Variants in ANO2 observed in about 807,000 individuals in gnomAD.
ANO2 encodes anoctamin 2, also known as anoctamin-2.
Under a neutral mutation model 124.2 loss-of-function variants are expected in ANO2, and 101 were observed. The observed-to-expected ratio is 0.81, with a 90% CI of 0.69 to 0.96. ANO2 has a LOEUF of 0.96. Among genes scored for constraint, ANO2 ranks in the 40% least tolerant of loss-of-function variants. ANO2 has a pLI of 0.00. For missense variants in ANO2, 1,293 were observed against 1,274.5 expected, an observed-to-expected ratio of 1.01 and a Z score of -0.22; for synonymous variants, 486 against 482.5, an observed-to-expected ratio of 1.01 and a Z score of -0.09.
chr12:5,899,976 T>C (rs1003171260), intron 3 of ANO2, among the ~76,000 whole-genome samples: 12 of 152,162 alleles, frequency 7.9e-5, no homozygotes, highest in Admixed American at 2.0e-4. Flanking sequence ...TAAAAATCAT[T>C]CCAAATTCAT....
intron 3 of ANO2, among the ~76,000 whole-genome samples, chr12:5,899,012 G>A (rs1008951376): frequency 6.6e-6 from 1 of 152,192 alleles, no homozygotes; most frequent in Non-Finnish European, 1.5e-5. Context: ...AGTTGAGCCT[G>A]TAAAACCAAG....
chr12:5,564,736 G>A (rs562626693), intron 24 of ANO2: 347 of 152,340 alleles, frequency 2.3e-3, no homozygotes, highest in South Asian at 3.7e-3. Flanking sequence ...ATGTCTGAGC[G>A]ATCATTCAAA....
At chr12:5,699,171 A>G (rs1001753115) in intron 14 of ANO2, among the ~76,000 whole-genome samples, 4 of 152,222 alleles carry the variant, frequency 2.6e-5, no homozygotes, top group African/African-American at 7.2e-5. Context: ...TGAAGGAAAA[A>G]ATGTTAAGGA....
intron 8 of ANO2, among the ~76,000 whole-genome samples, chr12:5,806,762 T>C (rs1368055846): frequency 6.6e-6 from 1 of 152,262 alleles, no homozygotes; most frequent in Non-Finnish European, 1.5e-5. Context: ...CAAAGCATTG[T>C]ACAAGGAATT....
At chr12:5,634,561 G>T (rs1034132406) in intron 16 of ANO2, among the ~76,000 whole-genome samples, 2 of 152,166 alleles carry the variant, frequency 1.3e-5, no homozygotes, top group African/African-American at 4.8e-5. Context: ...GGGCAACAGC[G>T]ACTTGCAGCT....
At chr12:5,683,923 T>C (rs1325790922) in intron 14 of ANO2, among the ~76,000 whole-genome samples, 1 of 152,108 alleles carries the variant, frequency 6.6e-6, no homozygotes, top group Non-Finnish European at 1.5e-5. Context: ...TCTCCCCTCC[T>C]ACTTTCATCT....
chr12:5,690,835 A>G (rs1948902031), intron 14 of ANO2, among the ~76,000 whole-genome samples: 1 of 152,190 alleles, frequency 6.6e-6, no homozygotes, highest in South Asian at 2.1e-4. Flanking sequence ...AACACCAACA[A>G]AAACAGAAAT....
At chr12:5,850,828 G>C (rs1447228576) in intron 4 of ANO2, among the ~76,000 whole-genome samples, 1 of 152,136 alleles carries the variant, frequency 6.6e-6, no homozygotes, top group Non-Finnish European at 1.5e-5. Context: ...AGTTGACTGG[G>C]GGACTAAGAA....
rs535646339 is a variant in ANO2, at chr12:5,613,059, C to T, written c.1929-101G>A. ...GGAATACCACCACCACTGTCCTCTTCGAAAGCACTGGTCAGGGCGAGTGCT... is the reference window on the plus strand; with the variant it reads ...GGAATACCACCACCACTGTCCTCTTTGAAAGCACTGGTCAGGGCGAGTGCT... On this transcript the variant is annotated intron_variant, in intron 17 of 24. Coordinates refer to ENST00000682330, the MANE Select transcript of ANO2 (RefSeq NM_001364791.2). The T allele has an allele frequency of 7.7e-5, 92 of 1,187,714 alleles. No homozygotes were observed. The African/African-American group carries it at 9.4e-4, about 12-fold the overall frequency. The allele number at this position is 1,187,714 out of a possible 1,614,324, so 73.6% of individuals were successfully genotyped here.
chr12:5,772,174 GA>G (rs1952102593), intron 10 of ANO2, among the ~76,000 whole-genome samples: 1 of 152,022 alleles, frequency 6.6e-6, no homozygotes, highest in South Asian at 2.1e-4. Flanking sequence ...TGACATGAAA[GA>G]AATCAATAAA....
chr12:5,686,652 C>T (rs1948722430), intron 14 of ANO2, among the ~76,000 whole-genome samples: 1 of 152,188 alleles, frequency 6.6e-6, no homozygotes, highest in Non-Finnish European at 1.5e-5. Context: ...GCCACCATCC[C>T]CTCCATGGGC....
intron 14 of ANO2, among the ~76,000 whole-genome samples, chr12:5,695,068 G>T (rs1205734315): frequency 3.3e-5 from 5 of 152,142 alleles, no homozygotes; most frequent in Non-Finnish European, 5.9e-5. Context: ...CTAGTTTGCT[G>T]CTGGCTGTGG....
intron 3 of ANO2, among the ~76,000 whole-genome samples, chr12:5,890,967 T>A (rs1939350852): frequency 6.6e-6 from 1 of 152,186 alleles, no homozygotes; most frequent in Admixed American, 6.5e-5. Flanking sequence ...CAAACTCACT[T>A]CATTGAGTTT....
chr12:5,588,890 C>T (rs761509715), intron 20 of ANO2, among the ~76,000 whole-genome samples: 3 of 152,154 alleles, frequency 2.0e-5, no homozygotes, highest in Admixed American at 1.3e-4. Context: ...GGAAATTATA[C>T]GACGCCATGC....
At chr12:5,646,220 C>T (rs533090524) in intron 15 of ANO2, among the ~76,000 whole-genome samples, 180 of 152,326 alleles carry the variant, frequency 1.2e-3, no homozygotes, top group African/African-American at 4.1e-3. Context: ...AAAATGTTCT[C>T]AAGGTAAAAG....
intron 4 of ANO2, among the ~76,000 whole-genome samples, chr12:5,844,953 A>AT (rs5796194): frequency 1.0e-4 from 14 of 138,262 alleles, no homozygotes; most frequent in South Asian, 2.3e-4. Context: ...CAACCATGAA[A>AT]TTTTTTTTTT....
At chr12:5,612,186 G>A (rs747859157) in intron 19 of ANO2, among the ~76,000 whole-genome samples, 6 of 152,122 alleles carry the variant, frequency 3.9e-5, no homozygotes, top group African/African-American at 1.4e-4. Context: ...GGGAGCATAG[G>A]GGGGAATCCA....
intron 10 of ANO2, among the ~76,000 whole-genome samples, chr12:5,774,169 C>A (rs1033040990): frequency 1.3e-5 from 2 of 152,148 alleles, no homozygotes; most frequent in African/African-American, 2.4e-5. Flanking sequence ...AAAAGTTGTT[C>A]TTGGGCAGGA....
chr12:5,563,209 C>G lies in ANO2; in HGVS notation c.*90G>C. The G allele has an allele frequency of 4.1e-6, 6 of 1,479,064 alleles. No individual in the cohort carries two copies. The Admixed American group carries it at 1.3e-4, about 31-fold the overall frequency. 91.6% of individuals were successfully genotyped at this position (1,479,064 alleles called of 1,614,324 possible). ...CCCCATCAAGCCAGGCCCCTGCAGA[C>G]AGACAGCACGCCATGTGGGTGTAGG... On this transcript the variant is annotated 3_prime_UTR_variant, in exon 25 of 25. Transcript: ENST00000682330.
Sources: gnomAD v4.1 joint callset for allele counts (sites outside exome capture counted in the v4.1 genomes callset) on GRCh38, gnomAD v4.1.1 for gene constraint, MANE v1.5 for transcripts, NCBI Gene and HGNC (gene_info 2026-07-23, HGNC 2026-07-21) for gene names.